The following NF1 variants were observed in gnomAD, a reference collection of about 807,000 sequenced individuals.
NF1 encodes the protein neurofibromin.
In NF1, 122 loss-of-function variants were observed where a neutral mutation model predicts 325.7. The observed-to-expected ratio is 0.37, with a 90% CI of 0.32 to 0.44. The LOEUF is 0.44. NF1 is among the 20% of genes least tolerant of loss of function. NF1 has a pLI of 1.00. For synonymous variants in NF1, 1,091 were observed against 1,186.0 expected, an observed-to-expected ratio of 0.92 and a Z score of 1.65; for missense variants, 2,140 against 3,415.4, an observed-to-expected ratio of 0.63 and a Z score of 9.31.
chr17:31,283,897 T>G (rs1374379785), intron 36 of NF1, among the ~76,000 whole-genome samples: 2 of 152,212 alleles, frequency 1.3e-5, no homozygotes, highest in South Asian at 2.1e-4. Context: ...GAAGATTTCT[T>G]GAGTGGTTTT....
At chr17:31,305,702 C>T in intron 36 of NF1, 1 of 1,305,964 alleles carries the variant, frequency 7.7e-7, no homozygotes, top group Non-Finnish European at 1.0e-6. Flanking sequence ...TTTGACTTTT[C>T]ATTATGATTC....
rs535460196 is a variant in NF1, at chr17:31,313,240, A to G, written c.4836-12580A>G. ...GGGATACAAAAATTTTAATTTATGC[A>G]TTATATTATGTACAGGAAAATTCTA... On this transcript the variant is annotated intron_variant, in intron 36 of 57. Transcript: ENST00000358273. Among the ~76,000 whole-genome samples the G allele has an allele frequency of 3.3e-5, 5 of 152,318 alleles. No individual in the cohort carries two copies. In the East Asian group the frequency reaches 9.6e-4, roughly 29 times the overall value.
chr17:31,169,233 C>T (rs755535973), intron 4 of NF1, among the ~76,000 whole-genome samples: 3 of 152,066 alleles, frequency 2.0e-5, no homozygotes, highest in African/African-American at 7.2e-5. Context: ...TTCCTGTTTT[C>T]AAGCCCAAGG....
rs748727328 is a variant in NF1, at chr17:31,349,262, A to G, written c.7321+11A>G. The G allele has an allele frequency of 2.5e-6, 4 of 1,609,982 alleles. No individual in the cohort carries two copies. In the Admixed American group the frequency reaches 6.7e-5, roughly 27 times the overall value. ...TGGCCTACTTAGCAGGTAAAAACAC[A>G]AAATAAACAAAATTAATCTTGCTAC... On this transcript the variant is annotated intron_variant, in intron 49 of 57. Coordinates refer to ENST00000358273, the MANE Select transcript of NF1 (RefSeq NM_001042492.3).
At chr17:31,305,199 T>C in intron 36 of NF1, 1 of 1,614,064 alleles carries the variant, frequency 6.2e-7, no homozygotes, top group African/African-American at 1.3e-5. Context: ...ACTTTGGTGG[T>C]TGTGTGGTAG....
At chr17:31,148,011 C>G (rs1350781461) in intron 1 of NF1, among the ~76,000 whole-genome samples, 1 of 152,152 alleles carries the variant, frequency 6.6e-6, no homozygotes, top group Non-Finnish European at 1.5e-5. Context: ...TGCAAATGCC[C>G]CAGGGGAAAA....
intron 39 of NF1, among the ~76,000 whole-genome samples, chr17:31,333,340 A>G (rs1346879495): frequency 6.6e-6 from 1 of 152,206 alleles, no homozygotes; most frequent in Non-Finnish European, 1.5e-5. Context: ...TTTTATGTAG[A>G]TTTTTAAATT....
chr17:31,343,431 G>A (rs2069881107), intron 48 of NF1, among the ~76,000 whole-genome samples: 1 of 152,034 alleles, frequency 6.6e-6, no homozygotes, highest in African/African-American at 2.4e-5. Context: ...TGTAGTCCCA[G>A]CTACTTAGGA....
rs2143778546 is a variant in NF1, at chr17:31,181,783, C to T, written c.728C>T (p.Ala243Val). The T allele has an allele frequency of 6.3e-7, 1 of 1,592,700 alleles. No homozygotes were observed. Among genetic ancestry groups the T allele is most frequent in the Non-Finnish European group, 8.6e-7 (1 of 1,163,198 alleles). Residue 243 changes from alanine to valine, a missense_variant and splice_region_variant, in exon 7 of 58, where the codon GCT becomes GTT. By Grantham distance (64) the Ala-to-Val change is moderately conservative (BLOSUM62 0). Around this residue, in one of 10 missense-constraint regions of NF1, gnomAD observed 246 missense variants for 347.8 expected, o/e 0.71. Coordinates refer to ENST00000358273, the MANE Select transcript of NF1 (RefSeq NM_001042492.3). ...TACCAGATCCCACAGACTGATATGG[C>T]TGGTAAGGATACGATTGATTTTTTT... is the stretch of plus-strand genomic sequence containing the variant. ...KLYQIPQTDM[A>V]ECAEKLFDLV... is the part of the protein sequence containing the mutation.
At chr17:31,125,143 C>T (rs997831294) in intron 1 of NF1, among the ~76,000 whole-genome samples, 1 of 152,034 alleles carries the variant, frequency 6.6e-6, no homozygotes, top group Non-Finnish European at 1.5e-5. Context: ...CTTTATGTCT[C>T]CATGAACAAT....
At chr17:31,283,192 C>T (rs537695409) in intron 36 of NF1, among the ~76,000 whole-genome samples, 69 of 152,052 alleles carry the variant, frequency 4.5e-4, no homozygotes, top group East Asian at 3.1e-3. Flanking sequence ...CCGAGGCGGG[C>T]GGATCACGAG....
intron 2 of NF1, 38 bp downstream of exon 2, chr17:31,156,164 T>C (rs2065658733): frequency 6.2e-7 from 1 of 1,610,202 alleles, no homozygotes; most frequent in Admixed American, 1.7e-5. Flanking sequence ...GGAATTTGCT[T>C]TCTTTTCTTT....
chr17:31,123,837 A>G (rs1341067379), intron 1 of NF1, among the ~76,000 whole-genome samples: 1 of 152,214 alleles, frequency 6.6e-6, no homozygotes, highest in Non-Finnish European at 1.5e-5. Flanking sequence ...AGCTTGGGCG[A>G]TAGTGGCAAG....
intron 8 of NF1, among the ~76,000 whole-genome samples, chr17:31,194,113 A>G (rs1288453342): frequency 6.6e-6 from 1 of 152,208 alleles, no homozygotes; most frequent in Non-Finnish European, 1.5e-5. Flanking sequence ...ACTATTCACA[A>G]TAGCCAAGAT....
chr17:31,245,733 C>G (rs1324726292), intron 29 of NF1, among the ~76,000 whole-genome samples: 2 of 152,198 alleles, frequency 1.3e-5, no homozygotes, highest in African/African-American at 4.8e-5. Flanking sequence ...CCAGGCACCT[C>G]TATGTGTTCG....
intron 36 of NF1, among the ~76,000 whole-genome samples, chr17:31,290,618 T>C (rs550755120): frequency 3.3e-5 from 5 of 152,354 alleles, no homozygotes; most frequent in African/African-American, 1.2e-4. Context: ...TGTGCTCTCA[T>C]TGTGCTGTTG....
At chr17:31,147,450 A>C (rs762660105) in intron 1 of NF1, among the ~76,000 whole-genome samples, 6 of 152,236 alleles carry the variant, frequency 3.9e-5, no homozygotes, top group Non-Finnish European at 8.8e-5. Flanking sequence ...CATTTCTGCT[A>C]TTAACATTTG....
At position 31,336,606 on chromosome 17, in the gene NF1, T is replaced by TA. The variant is rs66638017; in HGVS notation, c.6148-29_6148-28insA. ...AACTTTGAGTCCCATGTTTTTTTTT[T>TA]TAAAAAAAAAAATCCTGCTTCTTTA... is the stretch of plus-strand genomic sequence containing the variant. On this transcript the variant is annotated intron_variant, in intron 41 of 57. Coordinates refer to ENST00000358273, the MANE Select transcript of NF1 (RefSeq NM_001042492.3). This position sits in a 1 kb window ranked among gnomAD's most constrained non-coding sequence, Gnocchi z 5.5. The TA allele has an allele frequency of 0.027, 38,647 of 1,455,530 alleles. 801 individuals carry two copies. The highest frequency in any genetic ancestry group is 0.18 in the African/African-American group (11,265 of 62,822). 90.2% of individuals were successfully genotyped at this position (1,455,530 alleles called of 1,614,324 possible).
chr17:31,280,235 G>A (rs1488204071), intron 36 of NF1, among the ~76,000 whole-genome samples: 1 of 149,338 alleles, frequency 6.7e-6, no homozygotes, highest in African/African-American at 2.5e-5. Context: ...AAAAAAGAAA[G>A]AAATGTAAGA....
Sources: allele counts gnomAD v4.1 joint callset (sites outside exome capture counted in the v4.1 genomes callset), GRCh38; gene constraint gnomAD v4.1.1; regional missense constraint gnomAD v4.1.1; non-coding constraint Gnocchi (gnomAD v3.1); transcripts MANE v1.5; gene names NCBI Gene and HGNC (gene_info 2026-07-23, HGNC 2026-07-21).